ZMYND8: variants seen among roughly 807,000 people sequenced by gnomAD.
The protein encoded by ZMYND8 is MYND-type zinc finger-containing chromatin reader ZMYND8.
A neutral mutation model predicts 140.8 loss-of-function variants in ZMYND8; 37 were observed. That is an observed-to-expected ratio of 0.26 (90% confidence interval 0.20 to 0.35). The LOEUF (loss-of-function observed/expected upper bound fraction) is 0.35. Ranked by LOEUF, ZMYND8 falls within the 10% of genes least tolerant of loss-of-function variation. ZMYND8 has a pLI of 1.00. For synonymous variants in ZMYND8, 592 were observed against 597.1 expected, an observed-to-expected ratio of 0.99 and a Z score of 0.12; for missense variants, 1,068 against 1,570.0, an observed-to-expected ratio of 0.68 and a Z score of 5.40.
intron 2 of ZMYND8, among the ~76,000 whole-genome samples, chr20:47,337,019 A>AT (rs2081435872): frequency 6.6e-6 from 1 of 150,798 alleles, no homozygotes; most frequent in African/African-American, 2.5e-5. Context: ...ATCTAGGGAC[A>AT]TTAAACACTC....
chr20:47,252,631 C>A (rs1289444517), intron 12 of ZMYND8, among the ~76,000 whole-genome samples: 1 of 152,148 alleles, frequency 6.6e-6, no homozygotes, highest in African/African-American at 2.4e-5. Flanking sequence ...TTTGTAAAAG[C>A]CTGGAGAGGA....
intron 12 of ZMYND8, among the ~76,000 whole-genome samples, chr20:47,251,509 C>T (rs905898271): frequency 6.6e-6 from 1 of 151,672 alleles, no homozygotes; most frequent in Non-Finnish European, 1.5e-5. Context: ...ACTGCTTGAG[C>T]CCAGGAGTTT....
chr20:47,291,796 CT>C lies in ZMYND8; in HGVS notation c.659del (p.Lys220ArgfsTer35). 6.2e-7 allele frequency: 1 copy of C among 1,608,978 alleles called. No individual in the cohort carries two copies. The highest frequency in any genetic ancestry group is 1.1e-5 in the South Asian group (1 of 89,718). ...GTGAGGTTCTTTGACGGAGGCCAAC[CT>C]TTTCCAATGTACAAAGGTCCATTGG... ...FHPMDLCTLE[K>X]NAKKKMYGCT... On this transcript the variant is annotated frameshift_variant and splice_region_variant, in exon 6 of 23. Transcript: ENST00000471951. LOFTEE classifies it high-confidence loss of function.
At chr20:47,322,551 C>CT (rs988611653) in intron 2 of ZMYND8, among the ~76,000 whole-genome samples, 3 of 151,628 alleles carry the variant, frequency 2.0e-5, no homozygotes, top group African/African-American at 7.3e-5. Flanking sequence ...AGTGATTCCC[C>CT]TGCCTCAGTC....
At chr20:47,332,378 G>A (rs910113150) in intron 2 of ZMYND8, among the ~76,000 whole-genome samples, 4 of 152,062 alleles carry the variant, frequency 2.6e-5, no homozygotes, top group Middle Eastern at 3.2e-3. Context: ...GGAAAGATGT[G>A]GGGGTCAAGA....
intron 3 of ZMYND8, among the ~76,000 whole-genome samples, chr20:47,300,863 C>T (rs189022950): frequency 7.3e-5 from 11 of 150,340 alleles, no homozygotes; most frequent in African/African-American, 9.8e-5. Flanking sequence ...TACAGGTGAG[C>T]GCCACCATGC....
At chr20:47,212,029 A>C (rs1352998680) in intron 22 of ZMYND8, among the ~76,000 whole-genome samples, 1 of 152,198 alleles carries the variant, frequency 6.6e-6, no homozygotes, top group Non-Finnish European at 1.5e-5. Flanking sequence ...GCAAGGGCGG[A>C]GTCTTCTTAA....
rs1266618122 is a variant in ZMYND8 at position 47,210,461 on chromosome 20, A to ATAAG, written c.*296_*299dup. 1 of 150,494 alleles carries ATAAG rather than the reference A, an allele frequency of 6.6e-6. No homozygotes were observed. Among genetic ancestry groups the ATAAG allele is most frequent in the East Asian group, 1.5e-4 (1 of 6,832 alleles). The allele number at this position is 150,494 out of a possible 1,614,324, so 9.3% of individuals were successfully genotyped here. On this transcript the variant is annotated 3_prime_UTR_variant, in exon 23 of 23. Coordinates refer to ENST00000471951, the MANE Select transcript of ZMYND8 (RefSeq NM_001281775.3). ...TTTTCTTTTTCTTTTTTTTTTTTTA[A>ATAAG]TAAGTTAAAGTTAATACAAATATAA...
chr20:47,325,939 T>C (rs1296535479), intron 2 of ZMYND8, among the ~76,000 whole-genome samples: 15 of 151,778 alleles, frequency 9.9e-5, no homozygotes, highest in Non-Finnish European at 2.9e-5. Flanking sequence ...ACCCAGCTAA[T>C]TTTATTTTAT....
At chr20:47,282,438 A>G (rs2076661325) in intron 9 of ZMYND8, among the ~76,000 whole-genome samples, 1 of 152,150 alleles carries the variant, frequency 6.6e-6, no homozygotes, top group Admixed American at 6.6e-5. Flanking sequence ...CAAAAGCTGA[A>G]TGAAGTCCAG....
In ZMYND8 at chr20:47,227,212, G is replaced by A; in HGVS notation, c.3007C>T (p.His1003Tyr). 1 of 1,614,188 alleles carries A rather than the reference G, an allele frequency of 6.2e-7. No individual in the cohort carries two copies. Among genetic ancestry groups the A allele is most frequent in the Non-Finnish European group, 8.5e-7 (1 of 1,180,026 alleles). The change falls in exon 18 of 23, where the codon CAC becomes TAC. Residue 1003 changes from histidine to tyrosine, a missense_variant. Around this residue, in one of 10 missense-constraint regions of ZMYND8, gnomAD observed 87 missense variants for 151.1 expected, o/e 0.58. Coordinates refer to ENST00000471951, the MANE Select transcript of ZMYND8 (RefSeq NM_001281775.3). Reference sequence around the variant, plus strand: ...GTGTGTCAGGCCTTACCTAAGTTGTGTTTCATTTCGGAGAGCTCTTGCTGG... The same window carrying A: ...GTGTGTCAGGCCTTACCTAAGTTGTATTTCATTTCGGAGAGCTCTTGCTGG... ...LHQQELSEMKHNLELTMAEMR... is the reference protein window; with the variant it reads ...LHQQELSEMKYNLELTMAEMR...
intron 18 of ZMYND8, among the ~76,000 whole-genome samples, chr20:47,225,226 T>G (rs1182521152): frequency 6.6e-6 from 1 of 152,050 alleles, no homozygotes; most frequent in African/African-American, 2.4e-5. Context: ...GACAGTTAAG[T>G]CCACTGGTAA....
chr20:47,315,343 C>T (rs986515892), intron 2 of ZMYND8, among the ~76,000 whole-genome samples: 1 of 152,164 alleles, frequency 6.6e-6, no homozygotes, highest in Non-Finnish European at 1.5e-5. Flanking sequence ...CACCAATTCC[C>T]CCTGGAGTTG....
In ZMYND8 at chr20:47,298,406, G is replaced by T. The variant is rs1414916469; in HGVS notation, c.453+323C>A. 5 of 985,302 alleles carry T rather than the reference G, an allele frequency of 5.1e-6. No individual in the cohort carries two copies. Among genetic ancestry groups the T allele is most frequent in the Non-Finnish European group, 4.8e-6 (4 of 829,940 alleles). The allele number at this position is 985,302 out of a possible 1,614,324, so 61.0% of individuals were successfully genotyped here. A position where few individuals can be genotyped will look rare whatever the true frequency, so the allele number is the denominator to read the frequency against. Reference sequence around the variant, plus strand: ...AAACAGAATGAGATCTTTTCAAAATGTGTGAGCCGTTCATGATTTGGGAGT... The same window carrying T: ...AAACAGAATGAGATCTTTTCAAAATTTGTGAGCCGTTCATGATTTGGGAGT... On this transcript the variant is annotated intron_variant, in intron 4 of 22. Coordinates refer to ENST00000471951, the MANE Select transcript of ZMYND8 (RefSeq NM_001281775.3). This position sits in a 1 kb window ranked among gnomAD's most constrained non-coding sequence, Gnocchi z 5.0.
chr20:47,210,945 G>A, intron 22 of ZMYND8, 48 bp from the exon 23 acceptor site: 2 of 1,594,836 alleles, frequency 1.3e-6, no homozygotes, highest in Non-Finnish European at 1.7e-6. Context: ...ACCTGCGCCT[G>A]AGCACAACTA....
intron 11 of ZMYND8, among the ~76,000 whole-genome samples, chr20:47,271,868 A>T (rs2075967736): frequency 6.6e-6 from 1 of 152,014 alleles, no homozygotes; most frequent in Non-Finnish European, 1.5e-5. Context: ...TTTTTAGTAG[A>T]GACGGGGTTT....
At chr20:47,322,423 G>A (rs558920780) in intron 2 of ZMYND8, among the ~76,000 whole-genome samples, 1 of 150,280 alleles carries the variant, frequency 6.7e-6, no homozygotes, top group African/African-American at 2.5e-5. Context: ...ATCCCAAGAG[G>A]TTGGGATGGC....
intron 11 of ZMYND8, among the ~76,000 whole-genome samples, chr20:47,270,034 A>G (rs1204616328): frequency 6.6e-6 from 1 of 152,172 alleles, no homozygotes; most frequent in Non-Finnish European, 1.5e-5. Flanking sequence ...GTTTGAGCCC[A>G]AGAGTTTGAG....
At chr20:47,339,919 G>A (rs1465899051) in intron 2 of ZMYND8, among the ~76,000 whole-genome samples, 1 of 151,848 alleles carries the variant, frequency 6.6e-6, no homozygotes, top group Non-Finnish European at 1.5e-5. Flanking sequence ...GACAGAACCA[G>A]GAAATCTGGC....
Sources: allele counts gnomAD v4.1 joint callset (sites outside exome capture counted in the v4.1 genomes callset), GRCh38; gene constraint gnomAD v4.1.1; regional missense constraint gnomAD v4.1.1; non-coding constraint Gnocchi (gnomAD v3.1); transcripts MANE v1.5; gene names NCBI Gene and HGNC (gene_info 2026-07-23, HGNC 2026-07-21).